The following AGBL4 variants were observed in gnomAD, a reference collection of about 807,000 sequenced individuals.
AGBL4 encodes the protein AGBL carboxypeptidase 4.
AGBL4 carries 58 observed loss-of-function variants against 66.4 expected under a neutral mutation model. The ratio of observed to expected loss-of-function variants is 0.87; its 90% CI spans 0.71 to 1.09. AGBL4 has a LOEUF of 1.09. AGBL4 is among the 50% of genes least tolerant of loss of function. The probability of loss-of-function intolerance (pLI) is 0.00; values close to 1 mark genes in which losing one functional copy is unlikely to be tolerated. For synonymous variants in AGBL4, 234 were observed against 222.9 expected, an observed-to-expected ratio of 1.05 and a Z score of -0.44; for missense variants, 579 against 631.0, an observed-to-expected ratio of 0.92 and a Z score of 0.88.
intron 2 of AGBL4, among the ~76,000 whole-genome samples, chr1:49,773,341 A>G (rs1644112770): frequency 6.6e-6 from 1 of 152,132 alleles, no homozygotes. Flanking sequence ...TCCTTTGGGA[A>G]TGTCATGTTT....
chr1:48,868,734 C>T lies in AGBL4; in HGVS notation c.595-1504G>A, dbSNP rs141246639. On this transcript the variant is annotated intron_variant, in intron 5 of 13. Transcript: ENST00000371839. ...TAAAGTTCAGAGATTTGACCTGCCA[C>T]GTGGGCAGGGACCCCCTAAATGTCC... Among the ~76,000 whole-genome samples the T allele has an allele frequency of 8.7e-4, 133 of 152,302 alleles. 2 individuals carry two copies. In the East Asian group the frequency reaches 0.022, roughly 25 times the overall value.
chr1:49,694,242 A>G (rs1321848786), intron 3 of AGBL4, among the ~76,000 whole-genome samples: 1 of 152,148 alleles, frequency 6.6e-6, no homozygotes, highest in Admixed American at 6.6e-5. Flanking sequence ...TGAGAGATGA[A>G]AAAAAGATTA....
At chr1:48,530,382 T>C (rs1404252740), downstream of AGBL4, among the ~76,000 whole-genome samples, 1 of 152,152 alleles carries the variant, frequency 6.6e-6, no homozygotes, top group Non-Finnish European at 1.5e-5. Context: ...GCTGCACAAA[T>C]GTTAATCAGC....
rs528348714 is a variant in AGBL4 at position 48,540,475 on chromosome 1, G to T, written c.1268-737C>A. ...ATTTCCTCTGCTGAAGTACCTCCCT[G>T]CCCACTCCTGCCTTCTCCTTGGCTA... On this transcript the variant is annotated intron_variant, in intron 11 of 13. Coordinates refer to ENST00000371839, the MANE Select transcript of AGBL4 (RefSeq NM_032785.4). 5.9e-5 allele frequency among the ~76,000 whole-genome samples: 9 copies of T among 152,086 alleles called. No individual in the cohort carries two copies. In the South Asian group the frequency reaches 1.7e-3, roughly 28 times the overall value.
intron 5 of AGBL4, among the ~76,000 whole-genome samples, chr1:48,926,713 C>A (rs1335992154): frequency 6.6e-6 from 1 of 152,140 alleles, no homozygotes; most frequent in African/African-American, 2.4e-5. Context: ...CCTATTACTA[C>A]CAAACAGCAA....
intron 3 of AGBL4, among the ~76,000 whole-genome samples, chr1:49,501,970 G>T (rs991484898): frequency 6.6e-6 from 1 of 152,096 alleles, no homozygotes. Context: ...GGTCAGAAAA[G>T]ATACTTGACA....
At chr1:49,959,647 C>G (rs1175770220) in intron 1 of AGBL4, among the ~76,000 whole-genome samples, 2 of 152,012 alleles carry the variant, frequency 1.3e-5, no homozygotes, top group African/African-American at 2.4e-5. Context: ...GAACTTAAAA[C>G]AACTGCCATT....
intron 5 of AGBL4, among the ~76,000 whole-genome samples, chr1:49,008,086 T>G (rs1662019178): frequency 1.3e-5 from 2 of 152,220 alleles, no homozygotes; most frequent in Admixed American, 1.3e-4. Context: ...ACTGGCAAAT[T>G]GGATAAAGAG....
chr1:49,973,189 T>G lies in AGBL4; in HGVS notation c.34+50574A>C, dbSNP rs192301096. Among the ~76,000 whole-genome samples the G allele has an allele frequency of 1.6e-4, 25 of 152,286 alleles. No homozygotes were observed. In the East Asian group the frequency reaches 4.6e-3, roughly 28 times the overall value. ...GGCAAGCCAAACACAGGCTAGGTTT[T>G]GCCCTTACTCACCCCTTGCCTGCAA... On this transcript the variant is annotated intron_variant, in intron 1 of 13. Transcript: ENST00000371839.
At chr1:48,911,559 G>C (rs1308528917) in intron 5 of AGBL4, among the ~76,000 whole-genome samples, 1 of 150,116 alleles carries the variant, frequency 6.7e-6, no homozygotes, top group African/African-American at 2.5e-5. Context: ...GGCAGAGATT[G>C]CAGTGAGCTG....
chr1:49,566,324 T>G (rs2148863528), intron 3 of AGBL4, among the ~76,000 whole-genome samples: 1 of 152,364 alleles, frequency 6.6e-6, no homozygotes, highest in African/African-American at 2.4e-5. Flanking sequence ...TCCGTCCAGC[T>G]TTGTTCCGTT....
intron 1 of AGBL4, among the ~76,000 whole-genome samples, chr1:49,902,455 A>G (rs1409558876): frequency 1.3e-5 from 2 of 152,242 alleles, no homozygotes. Flanking sequence ...ATCATTAGAG[A>G]AATGCAAATC....
intron 3 of AGBL4, among the ~76,000 whole-genome samples, chr1:49,300,738 C>T (rs768549170): frequency 6.6e-6 from 1 of 152,206 alleles, no homozygotes; most frequent in Non-Finnish European, 1.5e-5. Context: ...CCAGATTAAT[C>T]TCTTCCATGC....
rs749886812 is a variant in AGBL4 at position 48,776,776 on chromosome 1, G to T, written c.634+90415C>A. On this transcript the variant is annotated intron_variant, in intron 6 of 13. Coordinates refer to ENST00000371839, the MANE Select transcript of AGBL4 (RefSeq NM_032785.4). ...GCGGGGGCTGAAGTCGCGCACGCAC[G>T]ACACGGGCAGCGCGTAGCAGACGTT... The T allele has an allele frequency of 4.6e-6, 7 of 1,524,208 alleles. No individual in the cohort carries two copies. The South Asian group carries it at 7.4e-5, about 16-fold the overall frequency. 94.4% of individuals were successfully genotyped at this position (1,524,208 alleles called of 1,614,324 possible).
chr1:49,893,830 G>T (rs980130519), intron 1 of AGBL4, among the ~76,000 whole-genome samples: 2 of 152,210 alleles, frequency 1.3e-5, no homozygotes, highest in Non-Finnish European at 1.5e-5. Context: ...AGCTGGGCTG[G>T]TTTCACAAAC....
At chr1:49,220,851 T>C (rs1208924719) in intron 4 of AGBL4, among the ~76,000 whole-genome samples, 4 of 152,204 alleles carry the variant, frequency 2.6e-5, no homozygotes, top group Admixed American at 1.3e-4. Flanking sequence ...ATAGGTTTGC[T>C]GTGCTATGAA....
chr1:49,485,227 A>G (rs1385691706), intron 3 of AGBL4, among the ~76,000 whole-genome samples: 3 of 151,992 alleles, frequency 2.0e-5, no homozygotes, highest in Non-Finnish European at 4.4e-5. Flanking sequence ...ACAATGATAG[A>G]CTGGATTAAG....
At chr1:49,945,645 CA>C (rs1390809006) in intron 1 of AGBL4, among the ~76,000 whole-genome samples, 1 of 151,886 alleles carries the variant, frequency 6.6e-6, no homozygotes, top group African/African-American at 2.4e-5. Context: ...ACTTATAAAA[CA>C]AAAATATAAT....
chr1:49,097,140 T>C lies in AGBL4; in HGVS notation c.378-51340A>G, dbSNP rs373132676. Among the ~76,000 whole-genome samples, 50 of 152,314 alleles carry C rather than the reference T, an allele frequency of 3.3e-4. 1 individual carries two copies. The South Asian group carries it at 9.5e-3, about 29-fold the overall frequency. The stretch of plus-strand genomic sequence containing the variant: ...GCAGCAATAAGAAACTCATACAATA[T>C]ACATACTTGATGACTAATTCTACTC... On this transcript the variant is annotated intron_variant, in intron 4 of 13. Coordinates refer to ENST00000371839, the MANE Select transcript of AGBL4 (RefSeq NM_032785.4).
Sources: allele counts gnomAD v4.1 joint callset (sites outside exome capture counted in the v4.1 genomes callset), GRCh38; gene constraint gnomAD v4.1.1; transcripts MANE v1.5; gene names NCBI Gene and HGNC (gene_info 2026-07-23, HGNC 2026-07-21).